The following ST6GALNAC3 variants were observed in gnomAD, a reference collection of about 807,000 sequenced individuals.
The protein encoded by ST6GALNAC3 is alpha-N-acetylgalactosaminide alpha-2,6-sialyltransferase 3.
Under a neutral mutation model 32.7 loss-of-function variants are expected in ST6GALNAC3, and 25 were observed. That is an observed-to-expected ratio of 0.76 (90% confidence interval 0.56 to 1.07). The LOEUF is 1.07. Ranked by LOEUF, ST6GALNAC3 falls within the 50% of genes least tolerant of loss-of-function variation. The pLI, the probability that ST6GALNAC3 is intolerant of heterozygous loss-of-function variation, is 0.00. For synonymous variants in ST6GALNAC3, 129 were observed against 133.1 expected (o/e 0.97, Z 0.21); for missense variants, 355 against 382.4 (o/e 0.93, Z 0.60).
At chr1:76,226,352 G>A (rs1447140336) in intron 1 of ST6GALNAC3, among the ~76,000 whole-genome samples, 1 of 152,152 alleles carries the variant, frequency 6.6e-6, no homozygotes. Flanking sequence ...GCTCTCCAAG[G>A]GAGCCTTCAT....
At chr1:76,419,944 C>CTTTTTTTTTT (rs66531652) in intron 3 of ST6GALNAC3, among the ~76,000 whole-genome samples, 6 of 138,808 alleles carry the variant, frequency 4.3e-5, no homozygotes, top group Non-Finnish European at 6.2e-5. Flanking sequence ...TTCTTTCTTT[C>CTTTTTTTTTT]TTTTTTTTTT....
At chr1:76,587,928 G>C (rs1299792396) in intron 3 of ST6GALNAC3, among the ~76,000 whole-genome samples, 2 of 152,158 alleles carry the variant, frequency 1.3e-5, no homozygotes, top group Non-Finnish European at 1.5e-5. Flanking sequence ...GATCCACCAG[G>C]CCTTGAGGAG....
intron 2 of ST6GALNAC3, among the ~76,000 whole-genome samples, chr1:76,341,672 T>TC: frequency 2.0e-5 from 3 of 147,036 alleles, no homozygotes; most frequent in African/African-American, 7.7e-5. Flanking sequence ...TTTCTTTCTT[T>TC]CTTTCTTTCC....
intron 3 of ST6GALNAC3, among the ~76,000 whole-genome samples, chr1:76,567,149 C>A (rs1665601919): frequency 6.6e-6 from 1 of 152,118 alleles, no homozygotes; most frequent in South Asian, 2.1e-4. Context: ...TTTTTGTAAT[C>A]TTTTTTCAGC....
intron 2 of ST6GALNAC3, among the ~76,000 whole-genome samples, chr1:76,395,210 G>GA (rs35989413): frequency 0.59 from 89,567 of 151,888 alleles, 27,280 homozygotes; most frequent in Non-Finnish European, 0.67. Flanking sequence ...GACCTAACCA[G>GA]AATGGAGTCT....
At chr1:76,295,268 G>T (rs1275754985) in intron 1 of ST6GALNAC3, among the ~76,000 whole-genome samples, 1 of 152,054 alleles carries the variant, frequency 6.6e-6, no homozygotes, top group Non-Finnish European at 1.5e-5. Context: ...GAGACCCAAA[G>T]GTTGTATTTT....
At chr1:76,454,654 G>A (rs1390750076) in intron 3 of ST6GALNAC3, among the ~76,000 whole-genome samples, 1 of 152,142 alleles carries the variant, frequency 6.6e-6, no homozygotes, top group Non-Finnish European at 1.5e-5. Context: ...GAAATCTGTT[G>A]TTAATCTGAT....
chr1:76,353,168 C>A (rs1327393309), intron 2 of ST6GALNAC3, among the ~76,000 whole-genome samples: 1 of 152,170 alleles, frequency 6.6e-6, no homozygotes, highest in Non-Finnish European at 1.5e-5. Context: ...AATAAAGAAC[C>A]ATGCTCCCAT....
intron 1 of ST6GALNAC3, among the ~76,000 whole-genome samples, chr1:76,144,710 A>AT (rs1650566389): frequency 6.6e-6 from 1 of 152,224 alleles, no homozygotes; most frequent in Non-Finnish European, 1.5e-5. Context: ...TGTGAAGCAA[A>AT]CTAGTCTATA....
chr1:76,620,589 A>T (rs1570467519), intron 3 of ST6GALNAC3, among the ~76,000 whole-genome samples: 1 of 152,140 alleles, frequency 6.6e-6, no homozygotes, highest in African/African-American at 2.4e-5. Context: ...TGGTGGGAAG[A>T]GGGAGCACTC....
chr1:76,561,650 A>G (rs1665251679), intron 3 of ST6GALNAC3, among the ~76,000 whole-genome samples: 1 of 152,220 alleles, frequency 6.6e-6, no homozygotes, highest in African/African-American at 2.4e-5. Flanking sequence ...GAGAAACTGG[A>G]ATCCTCATAC....
intron 1 of ST6GALNAC3, among the ~76,000 whole-genome samples, chr1:76,237,073 G>A (rs957263656): frequency 6.6e-6 from 1 of 152,146 alleles, no homozygotes; most frequent in Non-Finnish European, 1.5e-5. Flanking sequence ...CAAGATTCAC[G>A]GGGCCACGGT....
chr1:76,605,861 T>TAAAAAAAAAAAAAAA (rs1159864958), intron 3 of ST6GALNAC3, among the ~76,000 whole-genome samples: 3 of 58,898 alleles, frequency 5.1e-5, no homozygotes, highest in African/African-American at 1.5e-4. Flanking sequence ...GGAGACTCCA[T>TAAAAAAAAAAAAAAA]AAAAAAAAAA....
At chr1:76,545,040 G>A (rs1054110186) in intron 3 of ST6GALNAC3, among the ~76,000 whole-genome samples, 1 of 152,156 alleles carries the variant, frequency 6.6e-6, no homozygotes, top group African/African-American at 2.4e-5. Context: ...TTATAAAACA[G>A]CAGTGGCAAA....
intron 1 of ST6GALNAC3, among the ~76,000 whole-genome samples, chr1:76,212,118 T>C (rs1230072214): frequency 1.3e-5 from 2 of 152,138 alleles, no homozygotes; most frequent in Admixed American, 1.3e-4. Context: ...ATTTATACCT[T>C]TTCTGTCCAT....
chr1:76,157,667 T>C lies in ST6GALNAC3; in HGVS notation c.18+82783T>C, dbSNP rs569801786. Among the ~76,000 whole-genome samples, 3 of 152,312 alleles carry C rather than the reference T, an allele frequency of 2.0e-5. No homozygotes were observed. In the East Asian group the frequency reaches 5.8e-4, roughly 29 times the overall value. ...GCCTAAATGATTTTTTTAAAGTTTATATATGTTAAGATTTGCCCTTTGTGC... is the reference window on the plus strand; with the variant it reads ...GCCTAAATGATTTTTTTAAAGTTTACATATGTTAAGATTTGCCCTTTGTGC... On this transcript the variant is annotated intron_variant, in intron 1 of 4. Transcript: ENST00000328299.
At chr1:76,436,677 C>A (rs1204285604) in intron 3 of ST6GALNAC3, among the ~76,000 whole-genome samples, 1 of 152,068 alleles carries the variant, frequency 6.6e-6, no homozygotes, top group Non-Finnish European at 1.5e-5. Flanking sequence ...TACATTATAT[C>A]ATTTAATTCT....
At chr1:76,555,298 T>C (rs1478724362) in intron 3 of ST6GALNAC3, among the ~76,000 whole-genome samples, 1 of 152,136 alleles carries the variant, frequency 6.6e-6, no homozygotes, top group East Asian at 1.9e-4. Context: ...AATAATAAAA[T>C]GTCAACAAAT....
chr1:76,320,761 T>C (rs1162583217), intron 2 of ST6GALNAC3, among the ~76,000 whole-genome samples: 1 of 152,174 alleles, frequency 6.6e-6, no homozygotes, highest in African/African-American at 2.4e-5. Flanking sequence ...TATATATACA[T>C]TCATAGTTAT....
Sources: gnomAD v4.1 joint callset for allele counts (sites outside exome capture counted in the v4.1 genomes callset) on GRCh38, gnomAD v4.1.1 for gene constraint, MANE v1.5 for transcripts, NCBI Gene and HGNC (gene_info 2026-07-23, HGNC 2026-07-21) for gene names.